AGPAT2: variants seen among roughly 807,000 people sequenced by gnomAD.
The protein encoded by AGPAT2 is 1-acyl-sn-glycerol-3-phosphate acyltransferase beta.
Under a neutral mutation model 26.1 loss-of-function variants are expected in AGPAT2, and 18 were observed. The observed-to-expected ratio is 0.69, with a 90% CI of 0.48 to 1.02. The LOEUF (loss-of-function observed/expected upper bound fraction) is 1.02. AGPAT2 is among the 50% of genes least tolerant of loss of function. The pLI is 0.00. For missense variants in AGPAT2, 415 were observed against 394.9 expected, an observed-to-expected ratio of 1.05 and a Z score of -0.43; for synonymous variants, 200 against 174.2, an observed-to-expected ratio of 1.15 and a Z score of -1.16.
In AGPAT2 at chr9:136,673,901, CT is replaced by C; in HGVS notation, c.687del (p.Ala230ProfsTer23). On this transcript the variant is annotated frameshift_variant, in exon 6 of 6. Coordinates refer to ENST00000371696, the MANE Select transcript of AGPAT2 (RefSeq NM_006412.4). LOFTEE classifies it low-confidence loss of function (END_TRUNC). Reference sequence around the variant, plus strand: ...GCAGTGAGGCCGCTGGTGGGGATGGCTTCCAGCACCTGCACTGTGACTGTTC... The same window carrying C: ...GCAGTGAGGCCGCTGGTGGGGATGGCTCCAGCACCTGCACTGTGACTGTTC... ...TSGTVTVQVLEAIPTSGLTAA... is the reference protein window; with the variant it reads ...TSGTVTVQVLXAIPTSGLTAA... 6.3e-7 allele frequency: 1 copy of C among 1,593,090 alleles called. No homozygotes were observed. The highest frequency in any genetic ancestry group is 8.5e-7 in the Non-Finnish European group (1 of 1,170,650).
rs376582855 is a variant in AGPAT2 at position 136,687,390 on chromosome 9, T to TCGCTCCCGCTCC, written c.-45_-34dup. The TCGCTCCCGCTCC allele has an allele frequency of 4.5e-5, 64 of 1,417,666 alleles. 1 individual carries two copies. Among genetic ancestry groups the TCGCTCCCGCTCC allele is most frequent in the East Asian group, 2.4e-4 (8 of 33,006 alleles). 87.8% of individuals were successfully genotyped at this position (1,417,666 alleles called of 1,614,324 possible). A position where few individuals can be genotyped will look rare whatever the true frequency, so the allele number is the denominator to read the frequency against. On this transcript the variant is annotated 5_prime_UTR_variant, in exon 1 of 6. Coordinates refer to ENST00000371696, the MANE Select transcript of AGPAT2 (RefSeq NM_006412.4). ...CCCGGCGCCCGACGGCGCCGCCAGC[T>TCGCTCCCGCTCC]CGCTCCCGCTCCCGCTCCCGCTTCT...
At chr9:136,679,934 T>A (rs977318337) in intron 1 of AGPAT2, among the ~76,000 whole-genome samples, 2 of 152,016 alleles carry the variant, frequency 1.3e-5, no homozygotes, top group African/African-American at 4.8e-5. Flanking sequence ...ACGGCTGGAG[T>A]GAGAAGCCTG....
chr9:136,676,632 G>C lies in AGPAT2; in HGVS notation c.541C>G (p.Leu181Val). ...PEGTRNDNGD[L>V]LPFKKGAFYL... ...AAGGCGCCCTTCTTAAAAGGCAGCAGGTCCCCATTGTCGTTGCGAGTACCC... is the reference window on the plus strand; with the variant it reads ...AAGGCGCCCTTCTTAAAAGGCAGCACGTCCCCATTGTCGTTGCGAGTACCC... Residue 181 changes from leucine (L) to valine (V), a missense_variant, in exon 4 of 6, where the codon CTG (leucine) becomes GTG (valine). Leu to Val is a conservative substitution (Grantham distance 32, BLOSUM62 1). Coordinates refer to ENST00000371696, the MANE Select transcript of AGPAT2 (RefSeq NM_006412.4). 6.2e-7 allele frequency: 1 copy of C among 1,613,598 alleles called. No homozygotes were observed. The highest frequency in any genetic ancestry group is 1.1e-5 in the South Asian group (1 of 91,076).
rs1846239506 is a variant in AGPAT2 at position 136,687,427 on chromosome 9, T to C, written c.-70A>G. The C allele has an allele frequency of 1.8e-5, 23 of 1,278,142 alleles. No homozygotes were observed. The highest frequency in any genetic ancestry group is 2.1e-5 in the Non-Finnish European group (21 of 995,854). The allele number at this position is 1,278,142 out of a possible 1,614,324, so 79.2% of individuals were successfully genotyped here. On this transcript the variant is annotated 5_prime_UTR_variant, in exon 1 of 6. Coordinates refer to ENST00000371696, the MANE Select transcript of AGPAT2 (RefSeq NM_006412.4). The stretch of plus-strand genomic sequence containing the variant: ...CCGCTCCCGCTTCTCCCCCGCGCGC[T>C]CAGGCCCCTTATTGCGAGGGCGGCG...
intron 1 of AGPAT2, among the ~76,000 whole-genome samples, chr9:136,683,475 C>A (rs1472185541): frequency 6.6e-6 from 1 of 152,204 alleles, no homozygotes; most frequent in Non-Finnish European, 1.5e-5. Flanking sequence ...TCATTCAGGG[C>A]AGCCCCCTCC....
At chr9:136,684,902 C>T (rs916015086) in intron 1 of AGPAT2, among the ~76,000 whole-genome samples, 9 of 152,182 alleles carry the variant, frequency 5.9e-5, no homozygotes, top group African/African-American at 2.2e-4. Context: ...TCCCTTCCAG[C>T]CCCCCGGGTC....
chr9:136,687,086 G>C, intron 1 of AGPAT2, 90 bp downstream of exon 1: 1 of 1,413,688 alleles, frequency 7.1e-7, no homozygotes. Flanking sequence ...GGGACGGGCG[G>C]GGCAGGAAGG....
At chr9:136,677,360 A>G in intron 2 of AGPAT2, 63 bp downstream of exon 2, 2 of 1,610,904 alleles carry the variant, frequency 1.2e-6, no homozygotes, top group Non-Finnish European at 1.7e-6. Flanking sequence ...ACCCAGCCCC[A>G]CACAGCCCCA....
In AGPAT2 at chr9:136,677,487, G is replaced by A; in HGVS notation, c.252C>T (p.Arg84=). 1 of 1,613,074 alleles carries A rather than the reference G, an allele frequency of 6.2e-7. No individual in the cohort carries two copies. The change falls in exon 2 of 6, where the codon CGC becomes CGT. Residue 84 remains arginine (R), a synonymous_variant. Coordinates refer to ENST00000371696, the MANE Select transcript of AGPAT2 (RefSeq NM_006412.4). The stretch of plus-strand genomic sequence containing the variant: ...CACAGGGACGGGCCTCCTGCAGCCT[G>A]CGCGGGTCCCGCACCTCGAAGCGGA... The part of the protein sequence containing the change: ...YGLRFEVRDP[R]RLQEARPCVI...
rs749524883 is a variant in AGPAT2, at chr9:136,687,328, C to T, written c.30G>A (p.Ala10=). 5.1e-6 allele frequency: 8 copies of T among 1,562,910 alleles called. No individual in the cohort carries two copies. Among genetic ancestry groups the T allele is most frequent in the Middle Eastern group, 1.7e-4 (1 of 5,824 alleles). The part of the protein sequence containing the change: MELWPCLAA[A]LLLLLLLVQL... ...GCACCAGCAGCAGCAGCAACAGCAGCGCCGCGGCCAGACACGGCCACAGCT... is the reference window on the plus strand; with the variant it reads ...GCACCAGCAGCAGCAGCAACAGCAGTGCCGCGGCCAGACACGGCCACAGCT... Residue 10 remains alanine, a synonymous_variant, in exon 1 of 6, where the codon GCG becomes GCA. Transcript: ENST00000371696.
Position 136,687,309 on chromosome 9 carries a change from G to GCAA in AGPAT2, c.48_49insTTG (p.Leu17dup). On this transcript the variant is annotated inframe_insertion, in exon 1 of 6. Coordinates refer to ENST00000371696, the MANE Select transcript of AGPAT2 (RefSeq NM_006412.4). ...TCGGCCGCGCGGCTCAGCTGCACCAGCAGCAGCAGCAACAGCAGCGCCGCG... is the reference window on the plus strand; with the variant it reads ...TCGGCCGCGCGGCTCAGCTGCACCAGCAACAGCAGCAGCAACAGCAGCGCCGCG... 6.4e-7 allele frequency: 1 copy of GCAA among 1,552,438 alleles called. No individual in the cohort carries two copies. Among genetic ancestry groups the GCAA allele is most frequent in the Non-Finnish European group, 8.7e-7 (1 of 1,150,162 alleles).
chr9:136,674,836 C>T, intron 4 of AGPAT2, 29 bp from the exon 5 acceptor site: 1 of 1,523,760 alleles, frequency 6.6e-7, no homozygotes, highest in Non-Finnish European at 8.8e-7. Context: ...ACAGCTGAGG[C>T]AGCCCTGGGG....
At chr9:136,681,096 C>T (rs939775785) in intron 1 of AGPAT2, among the ~76,000 whole-genome samples, 6 of 151,208 alleles carry the variant, frequency 4.0e-5, no homozygotes, top group Non-Finnish European at 8.8e-5. Flanking sequence ...AGCTCCAAAA[C>T]TTTTCCTTTT....
At chr9:136,681,540 G>A (rs528904442) in intron 1 of AGPAT2, among the ~76,000 whole-genome samples, 166 of 152,302 alleles carry the variant, frequency 1.1e-3, no homozygotes, top group South Asian at 3.5e-3. Flanking sequence ...GGTGGCTCAC[G>A]CCTGTAATCC....
intron 1 of AGPAT2, among the ~76,000 whole-genome samples, chr9:136,677,920 C>T (rs915204849): frequency 5.3e-5 from 8 of 152,204 alleles, no homozygotes; most frequent in African/African-American, 1.9e-4. Flanking sequence ...CTCTCACGTC[C>T]GCTATGAAGG....
chr9:136,681,382 T>C (rs565827069), intron 1 of AGPAT2, among the ~76,000 whole-genome samples: 2 of 152,328 alleles, frequency 1.3e-5, no homozygotes, highest in Admixed American at 6.5e-5. Flanking sequence ...AAAGTTGAAG[T>C]TGATGTCCTC....
Position 136,673,753 on chromosome 9 carries a change from T to TACTGGGCC in AGPAT2, c.828_835dup (p.Ter279TrpfsTer11). 6.3e-7 allele frequency: 1 copy of TACTGGGCC among 1,588,332 alleles called. No homozygotes were observed. The highest frequency in any genetic ancestry group is 8.6e-7 in the Non-Finnish European group (1 of 1,168,692). On this transcript the variant is annotated frameshift_variant and stop_lost, in exon 6 of 6. Coordinates refer to ENST00000371696, the MANE Select transcript of AGPAT2 (RefSeq NM_006412.4). LOFTEE classifies it high-confidence loss of function. Reference sequence around the variant, plus strand: ...GGTCATGCCCTGCCGTGGTCTGGGCTACTGGGCCGGCTGCACGCCAGACCC... The same window carrying TACTGGGCC: ...GGTCATGCCCTGCCGTGGTCTGGGCTACTGGGCCACTGGGCCGGCTGCACGCCAGACCC...
chr9:136,687,076 G>A, intron 1 of AGPAT2, 100 bp downstream of exon 1: 4 of 1,346,632 alleles, frequency 3.0e-6, no homozygotes, highest in Non-Finnish European at 4.0e-6. Context: ...GGAGCGGGGC[G>A]GGACGGGCGG....
intron 4 of AGPAT2, among the ~76,000 whole-genome samples, chr9:136,675,066 G>C (rs1846072756): frequency 1.3e-5 from 2 of 152,180 alleles, no homozygotes; most frequent in African/African-American, 4.8e-5. Flanking sequence ...GTGTTTGCCT[G>C]GTTCACACCT....
Sources: allele counts gnomAD v4.1 joint callset (sites outside exome capture counted in the v4.1 genomes callset), GRCh38; gene constraint gnomAD v4.1.1; transcripts MANE v1.5; gene names NCBI Gene and HGNC (gene_info 2026-07-23, HGNC 2026-07-21).